Variants in FAM3B observed in about 807,000 individuals in gnomAD.
The protein encoded by FAM3B is FAM3 metabolism regulating signaling molecule B, also known as protein FAM3B.
Under a neutral mutation model 28.4 loss-of-function variants are expected in FAM3B, and 29 were observed. The ratio of observed to expected loss-of-function variants is 1.02; its 90% CI spans 0.76 to 1.39. FAM3B has a LOEUF of 1.39. FAM3B is among the 40% of genes most tolerant of loss of function. The pLI is 0.00. For synonymous variants in FAM3B, 91 were observed against 103.0 expected, an observed-to-expected ratio of 0.88 and a Z score of 0.71; for missense variants, 266 against 293.9, an observed-to-expected ratio of 0.91 and a Z score of 0.69.
rs1307361077 is a variant in FAM3B, at chr21:41,357,297, G to C, written c.*100G>C. On this transcript the variant is annotated 3_prime_UTR_variant, in exon 8 of 8. Transcript: ENST00000357985. ...AAATCCAACAGCCCATATTTGATGAGTATTTTGGGTTTGTTGTAAACCAAT... is the reference window on the plus strand; with the variant it reads ...AAATCCAACAGCCCATATTTGATGACTATTTTGGGTTTGTTGTAAACCAAT... 2 of 719,644 alleles carry C rather than the reference G, an allele frequency of 2.8e-6. No homozygotes were observed. The highest frequency in any genetic ancestry group is 3.0e-5 in the Admixed American group (1 of 33,154). 44.6% of individuals were successfully genotyped at this position (719,644 alleles called of 1,614,324 possible). A position where few individuals can be genotyped will look rare whatever the true frequency, so the allele number is the denominator to read the frequency against.
Position 41,348,461 on chromosome 21 carries a change from C to T in FAM3B, c.486-131C>T, listed in dbSNP as rs1435823884. The T allele has an allele frequency of 6.3e-6, 6 of 949,606 alleles. No homozygotes were observed. The South Asian group carries it at 8.2e-5, about 13-fold the overall frequency. 58.8% of individuals were successfully genotyped at this position (949,606 alleles called of 1,614,324 possible). Reference sequence around the variant, plus strand: ...CTCTTAGCTGCCACTGTGTGTCATGCACTGCAGCAGGAGATGAATGTGTTT... The same window carrying T: ...CTCTTAGCTGCCACTGTGTGTCATGTACTGCAGCAGGAGATGAATGTGTTT... On this transcript the variant is annotated intron_variant, in intron 6 of 7. Transcript: ENST00000357985.
At position 41,316,911 on chromosome 21, in the gene FAM3B, C is replaced by T; in HGVS notation, c.19+13C>T. The T allele has an allele frequency of 1.5e-6, 2 of 1,360,004 alleles. No homozygotes were observed. The highest frequency in any genetic ancestry group is 1.9e-6 in the Non-Finnish European group (2 of 1,055,082). The allele number at this position is 1,360,004 out of a possible 1,614,324, so 84.2% of individuals were successfully genotyped here. A position where few individuals can be genotyped will look rare whatever the true frequency, so the allele number is the denominator to read the frequency against. Reference sequence around the variant, plus strand: ...CCATTGGCTGGTGGTGAGTGCGCCCCCGCCTCGGGGCGAGGGTAGGGGCGG... The same window carrying T: ...CCATTGGCTGGTGGTGAGTGCGCCCTCGCCTCGGGGCGAGGGTAGGGGCGG... On this transcript the variant is annotated intron_variant, in intron 1 of 7. Coordinates refer to ENST00000357985, the MANE Select transcript of FAM3B (RefSeq NM_058186.4).
At chr21:41,311,248 AAAAATATATATATATAT>A (rs1161299170) in intron 1 of FAM3B, among the ~76,000 whole-genome samples, 5 of 64,276 alleles carry the variant, frequency 7.8e-5, no homozygotes, top group African/African-American at 2.4e-4. Flanking sequence ...AAAAAAAAAA[AAAAATATATATATATAT>A]ATATATATAT....
chr21:41,345,697 A>T lies in FAM3B; in HGVS notation c.358A>T (p.Asn120Tyr). 6.5e-7 allele frequency: 1 copy of T among 1,544,464 alleles called. No homozygotes were observed. The highest frequency in any genetic ancestry group is 8.7e-7 in the Non-Finnish European group (1 of 1,150,574). Residue 120 changes from asparagine to tyrosine, a missense_variant, in exon 5 of 8, where the codon AAT (asparagine) becomes TAT (tyrosine). Physicochemically the swap from Asn to Tyr is moderately radical, Grantham distance 143 (BLOSUM62 -2). Transcript: ENST00000357985. Reference sequence around the variant, plus strand: ...TCTTTTATTTTCAGATGTAACTGGGAATGTGACAGCAACACGATGTTTTGA... The same window carrying T: ...TCTTTTATTTTCAGATGTAACTGGGTATGTGACAGCAACACGATGTTTTGA... ...NIAIVNYVTG[N>Y]VTATRCFDMY...
chr21:41,320,021 G>A (rs1177247121), intron 1 of FAM3B: 2 of 152,178 alleles, frequency 1.3e-5, no homozygotes, highest in Non-Finnish European at 2.9e-5. Context: ...GACACAGGGA[G>A]AAGATGCCAT....
intron 7 of FAM3B, 34 bp downstream of exon 7, chr21:41,348,758 G>A: frequency 1.2e-6 from 2 of 1,613,796 alleles, no homozygotes; most frequent in East Asian, 4.5e-5. Flanking sequence ...TCCCACCAAT[G>A]GTGAGTATAG....
At chr21:41,356,040 TACACACAC>T (rs59345837) in intron 7 of FAM3B, among the ~76,000 whole-genome samples, 12,158 of 119,884 alleles carry the variant, frequency 0.1, 514 homozygotes, top group Admixed American at 0.13. Flanking sequence ...AAAAAATACA[TACACACAC>T]ACACACACAC....
chr21:41,355,848 A>G (rs60433728), intron 7 of FAM3B, among the ~76,000 whole-genome samples: 10,272 of 152,216 alleles, frequency 0.067, 1,125 homozygotes, highest in African/African-American at 0.23. Flanking sequence ...ATCCCAGTAA[A>G]GCTGTTATAT....
At chr21:41,327,217 G>A (rs1025242115) in intron 2 of FAM3B, among the ~76,000 whole-genome samples, 10 of 152,242 alleles carry the variant, frequency 6.6e-5, no homozygotes, top group African/African-American at 2.2e-4. Context: ...TGCAGTCACA[G>A]CCCTTAGCTA....
intron 1 of FAM3B, chr21:41,319,586 G>A (rs148630760): frequency 6.6e-6 from 1 of 152,496 alleles, no homozygotes; most frequent in Non-Finnish European, 1.5e-5. Context: ...AGTCATCTTA[G>A]TGGAAGCCCT....
rs17000809 is a variant in FAM3B, at chr21:41,342,709, A to G, written c.288-1767A>G. The stretch of plus-strand genomic sequence containing the variant: ...CAGCATGTCAGTTTTGGTACTTTTC[A>G]GTTCTGAAATTTTTAATTTTATCAA... On this transcript the variant is annotated intron_variant, in intron 3 of 7. Coordinates refer to ENST00000357985, the MANE Select transcript of FAM3B (RefSeq NM_058186.4). 9.4e-3 allele frequency among the ~76,000 whole-genome samples: 1,438 copies of G among 152,226 alleles called. 24 individuals carry two copies. The highest frequency in any genetic ancestry group is 0.033 in the African/African-American group (1,353 of 41,512).
intron 1 of FAM3B, among the ~76,000 whole-genome samples, chr21:41,321,963 C>CTCCCTCCT (rs1407438345): frequency 8.5e-5 from 13 of 152,092 alleles, no homozygotes; most frequent in African/African-American, 3.1e-4. Flanking sequence ...CCCTGTCTCT[C>CTCCCTCCT]TCCCTCCTTC....
At chr21:41,321,511 C>A (rs572472201) in intron 1 of FAM3B, among the ~76,000 whole-genome samples, 1 of 152,334 alleles carries the variant, frequency 6.6e-6, no homozygotes, top group South Asian at 2.1e-4. Context: ...CCTTCCAGTC[C>A]TGAAAACTGC....
intron 2 of FAM3B, among the ~76,000 whole-genome samples, chr21:41,323,987 G>C (rs2088833605): frequency 6.6e-6 from 1 of 152,182 alleles, no homozygotes; most frequent in African/African-American, 2.4e-5. Flanking sequence ...ATGTCTGGTG[G>C]AGACCTGCAT....
chr21:41,321,199 C>T (rs1200327390), intron 1 of FAM3B, among the ~76,000 whole-genome samples: 1 of 152,198 alleles, frequency 6.6e-6, no homozygotes, highest in African/African-American at 2.4e-5. Context: ...GCTGTCTTAG[C>T]CCACTCTGCA....
upstream of FAM3B, among the ~76,000 whole-genome samples, chr21:41,312,263 CT>C (rs563148815): frequency 2.0e-3 from 312 of 152,298 alleles, 3 homozygotes; most frequent in African/African-American, 6.9e-3. Flanking sequence ...TTGAATGAAT[CT>C]TTCCCCCTCT....
intron 7 of FAM3B, among the ~76,000 whole-genome samples, chr21:41,354,209 C>A (rs1008075240): frequency 6.8e-6 from 1 of 146,058 alleles, no homozygotes; most frequent in Non-Finnish European, 1.5e-5. Context: ...TTAGTTCAAC[C>A]TTTGTTGAAG....
chr21:41,357,075 T>G (rs376618477), intron 7 of FAM3B, 33 bp from the exon 8 acceptor site: 1 of 1,486,758 alleles, frequency 6.7e-7, no homozygotes, highest in Admixed American at 1.9e-5. Context: ...ATTAGATTAA[T>G]GAATAAATAA....
chr21:41,317,636 C>T (rs1029834467), intron 1 of FAM3B, among the ~76,000 whole-genome samples: 1 of 152,066 alleles, frequency 6.6e-6, no homozygotes, highest in Non-Finnish European at 1.5e-5. Flanking sequence ...CCTGGAGCGA[C>T]GTAGCCTGGC....
Sources: allele counts gnomAD v4.1 joint callset (sites outside exome capture counted in the v4.1 genomes callset), GRCh38; gene constraint gnomAD v4.1.1; transcripts MANE v1.5; gene names NCBI Gene and HGNC (gene_info 2026-07-23, HGNC 2026-07-21).